GABRA4: variants seen among roughly 807,000 people sequenced by gnomAD.
The protein encoded by GABRA4 is gamma-aminobutyric acid receptor subunit alpha-4.
In GABRA4, 12 loss-of-function variants were observed where a neutral mutation model predicts 49.7. The observed-to-expected ratio is 0.24, with a 90% CI of 0.15 to 0.39. GABRA4 has a LOEUF of 0.39. Among genes scored for constraint, GABRA4 ranks in the 10% least tolerant of loss-of-function variants. The pLI is 1.00. For missense variants in GABRA4, 506 were observed against 686.0 expected (o/e 0.74, Z 2.93); for synonymous variants, 288 against 240.2 (o/e 1.20, Z -1.84).
At chr4:46,937,606 AC>A (rs1485581494) in intron 8 of GABRA4, among the ~76,000 whole-genome samples, 1 of 152,196 alleles carries the variant, frequency 6.6e-6, no homozygotes, top group Non-Finnish European at 1.5e-5. Context: ...AAGCTAAAAT[AC>A]TTTTGACAAG....
At chr4:46,965,270 C>A in intron 7 of GABRA4, 41 bp from the exon 8 acceptor site, 1 of 1,366,028 alleles carries the variant, frequency 7.3e-7, no homozygotes, top group South Asian at 2.2e-5. Flanking sequence ...ACCTTACCAT[C>A]ATTTGTATTA....
chr4:46,977,179 T>C (rs757128374), intron 4 of GABRA4, 36 bp from the exon 5 acceptor site: 17 of 1,366,624 alleles, frequency 1.2e-5, no homozygotes, highest in Non-Finnish European at 1.8e-5. Flanking sequence ...AAATCAACCC[T>C]TTTAAAGAAT....
intron 7 of GABRA4, among the ~76,000 whole-genome samples, chr4:46,966,017 C>T (rs577662550): frequency 6.7e-6 from 1 of 148,568 alleles, no homozygotes; most frequent in Admixed American, 6.7e-5. Flanking sequence ...GCACCACATC[C>T]AGGAACGCTT....
chr4:46,934,935 G>T (rs903933808), intron 8 of GABRA4, among the ~76,000 whole-genome samples: 1 of 152,122 alleles, frequency 6.6e-6, no homozygotes, highest in African/African-American at 2.4e-5. Flanking sequence ...CATCAATGCC[G>T]CCAACATAAC....
chr4:46,970,385 C>G (rs1722908691), intron 7 of GABRA4, among the ~76,000 whole-genome samples: 1 of 151,366 alleles, frequency 6.6e-6, no homozygotes, highest in Non-Finnish European at 1.5e-5. Flanking sequence ...TAGAGAAAGA[C>G]ATTAACTAAA....
At chr4:46,978,987 T>G in intron 3 of GABRA4, 44 bp downstream of exon 3, 1 of 1,269,548 alleles carries the variant, frequency 7.9e-7, no homozygotes, top group Non-Finnish European at 1.1e-6. Flanking sequence ...TCTACATGTT[T>G]TCTTCAAGTC....
rs1309508548 is a variant in GABRA4, at chr4:46,974,524, ATAATT to A, written c.578-154_578-150del. 4.3e-6 allele frequency: 3 copies of A among 694,382 alleles called. No homozygotes were observed. The African/African-American group carries it at 5.5e-5, about 13-fold the overall frequency. 43.0% of individuals were successfully genotyped at this position (694,382 alleles called of 1,614,324 possible). The stretch of plus-strand genomic sequence containing the variant: ...TTTAGTCACTATAATTTAGTTCACT[ATAATT>A]TAGTCAAACATCTTTAAGATTTAGA... On this transcript the variant is annotated intron_variant, in intron 5 of 8. Transcript: ENST00000264318.
chr4:46,949,004 G>T (rs530071257), intron 8 of GABRA4, among the ~76,000 whole-genome samples: 1 of 152,194 alleles, frequency 6.6e-6, no homozygotes, highest in African/African-American at 2.4e-5. Flanking sequence ...TTTAAAGACA[G>T]TATTTAACCG....
At chr4:46,945,176 G>A (rs1358779224) in intron 8 of GABRA4, among the ~76,000 whole-genome samples, 1 of 152,120 alleles carries the variant, frequency 6.6e-6, no homozygotes, top group East Asian at 1.9e-4. Flanking sequence ...GGCCATGATA[G>A]TAGTTAATGG....
intron 2 of GABRA4, among the ~76,000 whole-genome samples, chr4:46,983,708 C>T (rs932049572): frequency 6.6e-5 from 10 of 151,972 alleles, no homozygotes; most frequent in Non-Finnish European, 1.2e-4. Context: ...TCCTCTAATA[C>T]GACAGTTTAG....
intron 8 of GABRA4, among the ~76,000 whole-genome samples, chr4:46,960,334 T>C (rs1185412400): frequency 6.6e-6 from 1 of 151,570 alleles, no homozygotes; most frequent in Non-Finnish European, 1.5e-5. Context: ...ATAAAATCAG[T>C]GGGAGAATTT....
chr4:46,936,139 G>A (rs1222178199), intron 8 of GABRA4, among the ~76,000 whole-genome samples: 5 of 152,152 alleles, frequency 3.3e-5, no homozygotes, highest in South Asian at 2.1e-4. Context: ...CTAATGTCAT[G>A]TGCCATGTAG....
chr4:46,940,996 T>C (rs1354268141), intron 8 of GABRA4, among the ~76,000 whole-genome samples: 1 of 152,142 alleles, frequency 6.6e-6, no homozygotes, highest in Non-Finnish European at 1.5e-5. Flanking sequence ...TACCACTTTA[T>C]GACAAGAAAG....
At chr4:46,991,722 C>T (rs1723750842) in intron 2 of GABRA4, among the ~76,000 whole-genome samples, 1 of 26,386 alleles carries the variant, frequency 3.8e-5, no homozygotes, top group South Asian at 1.3e-3. Flanking sequence ...GGAACTTGGA[C>T]TCAATTTCCT....
At chr4:46,959,128 T>G (rs1722470731) in intron 8 of GABRA4, among the ~76,000 whole-genome samples, 1 of 152,036 alleles carries the variant, frequency 6.6e-6, no homozygotes, top group African/African-American at 2.4e-5. Context: ...GATTTCTTTC[T>G]TCTTATTTCT....
intron 5 of GABRA4, 136 bp downstream of exon 5, chr4:46,976,925 C>A: frequency 1.8e-6 from 1 of 547,898 alleles, no homozygotes. Flanking sequence ...TTAATGAAAT[C>A]TCCAGAAATA....
At chr4:46,943,528 G>C (rs1040840694) in intron 8 of GABRA4, among the ~76,000 whole-genome samples, 1 of 151,948 alleles carries the variant, frequency 6.6e-6, no homozygotes, top group African/African-American at 2.4e-5. Flanking sequence ...AACTTTTTCA[G>C]CGGCACCTGA....
intron 8 of GABRA4, among the ~76,000 whole-genome samples, chr4:46,943,242 T>C (rs1229434043): frequency 6.6e-6 from 1 of 152,142 alleles, no homozygotes; most frequent in Non-Finnish European, 1.5e-5. Context: ...TCTCAGAGAT[T>C]AGCACACTAT....
At chr4:46,958,142 C>T (rs1722432939) in intron 8 of GABRA4, among the ~76,000 whole-genome samples, 1 of 151,888 alleles carries the variant, frequency 6.6e-6, no homozygotes, top group Non-Finnish European at 1.5e-5. Flanking sequence ...GCTCTGCATT[C>T]AGACAGAGCC....
Sources: allele counts gnomAD v4.1 joint callset (sites outside exome capture counted in the v4.1 genomes callset), GRCh38; gene constraint gnomAD v4.1.1; transcripts MANE v1.5; gene names NCBI Gene and HGNC (gene_info 2026-07-23, HGNC 2026-07-21).